PCDHA3: variants seen among roughly 807,000 people sequenced by gnomAD.
PCDHA3 encodes protocadherin alpha 3, also known as protocadherin alpha-3.
In PCDHA3, 41 loss-of-function variants were observed where a neutral mutation model predicts 62.2. That is an observed-to-expected ratio of 0.66 (90% CI 0.51 to 0.86). The LOEUF (loss-of-function observed/expected upper bound fraction) is 0.86, where lower values mean the gene tolerates loss of function less well. Among genes scored for constraint, PCDHA3 ranks in the 40% least tolerant of loss-of-function variants. The probability of loss-of-function intolerance (pLI) is 0.00; values close to 1 mark genes in which losing one functional copy is unlikely to be tolerated. For synonymous variants in PCDHA3, 640 were observed against 555.4 expected, an observed-to-expected ratio of 1.15 and a Z score of -2.14; for missense variants, 1,304 against 1,241.2, an observed-to-expected ratio of 1.05 and a Z score of -0.76.
intron 1 of PCDHA3, chr5:140,860,649 AG>A (rs2046495256): frequency 1.3e-5 from 2 of 152,282 alleles, no homozygotes; most frequent in Non-Finnish European, 2.9e-5. Context: ...GAAGAAGATA[AG>A]TGAAATAATA....
chr5:140,979,573 G>T lies in PCDHA3; in HGVS notation c.2453+566G>T, dbSNP rs558232107. Among the ~76,000 whole-genome samples, 224 of 152,236 alleles carry T rather than the reference G, an allele frequency of 1.5e-3. 1 individual carries two copies. Among genetic ancestry groups the T allele is most frequent in the African/African-American group, 5.2e-3 (215 of 41,538 alleles). On this transcript the variant is annotated intron_variant, in intron 2 of 3. Transcript: ENST00000522353. ...CTTCAGAAGATGAGCCATGTAAAGG[G>T]CTCCAAATCTAGCTTACTTTAAATT...
At chr5:140,819,722 A>G (rs1375762475) in intron 1 of PCDHA3, among the ~76,000 whole-genome samples, 1 of 152,122 alleles carries the variant, frequency 6.6e-6, no homozygotes, top group Non-Finnish European at 1.5e-5. Flanking sequence ...ATAATTTAAC[A>G]GATATGAAAG....
At chr5:140,963,705 C>T (rs1351751729) in intron 1 of PCDHA3, among the ~76,000 whole-genome samples, 1 of 152,130 alleles carries the variant, frequency 6.6e-6, no homozygotes, top group Non-Finnish European at 1.5e-5. Flanking sequence ...ATCTAAAGGG[C>T]CATGCTACAT....
At chr5:140,808,815 C>T (rs782363831) in intron 1 of PCDHA3, 4 of 1,612,732 alleles carry the variant, frequency 2.5e-6, no homozygotes, top group Non-Finnish European at 3.4e-6. Context: ...GCCGGCGTGC[C>T]ACCTCTGGGC....
intron 1 of PCDHA3, 99 bp from the exon 2 acceptor site, chr5:140,978,850 G>T: frequency 6.3e-7 from 1 of 1,577,084 alleles, no homozygotes; most frequent in Non-Finnish European, 8.6e-7. Flanking sequence ...TTTTTTAGAT[G>T]CCTGGAAATA....
rs2150165886 is a variant in PCDHA3 at position 140,829,324 on chromosome 5, T to C, written c.2394+25733T>C. 2.5e-4 allele frequency: 408 copies of C among 1,614,140 alleles called. 1 individual carries two copies. Among genetic ancestry groups the C allele is most frequent in the African/African-American group, 5.3e-4 (40 of 75,068 alleles). ...ATTACTACTCGTTGGTGCTGGACAG[T>C]GCCCTGGACCGCGAGAGCGTGTCGG... On this transcript the variant is annotated intron_variant, in intron 1 of 3. Transcript: ENST00000522353.
chr5:140,870,443 T>G (rs1207012137), intron 1 of PCDHA3: 1 of 1,614,094 alleles, frequency 6.2e-7, no homozygotes, highest in Non-Finnish European at 8.5e-7. Flanking sequence ...GTGGCCGACG[T>G]GAACGACAAT....
chr5:140,850,443 C>G, intron 1 of PCDHA3: 1 of 1,597,988 alleles, frequency 6.3e-7, no homozygotes, highest in East Asian at 2.2e-5. Flanking sequence ...CCTACTGGTG[C>G]TGGTGAAAGA....
At chr5:140,850,964 C>G (rs1554145138) in intron 1 of PCDHA3, 1 of 1,468,876 alleles carries the variant, frequency 6.8e-7, no homozygotes, top group African/African-American at 1.4e-5. Flanking sequence ...TCCCAGGGGC[C>G]GTTCAAATAG....
At chr5:140,841,961 G>A (rs1221561116) in intron 1 of PCDHA3, 1 of 1,613,790 alleles carries the variant, frequency 6.2e-7, no homozygotes, top group Non-Finnish European at 8.5e-7. Flanking sequence ...ATTCCTGACA[G>A]CCACAGATGG....
At chr5:140,815,798 C>T (rs1286964412) in intron 1 of PCDHA3, 3 of 152,150 alleles carry the variant, frequency 2.0e-5, no homozygotes, top group Non-Finnish European at 4.4e-5. Flanking sequence ...TTTTGTTTAA[C>T]TGGGAAGGTC....
chr5:140,927,045 C>G, intron 1 of PCDHA3: 1 of 1,612,254 alleles, frequency 6.2e-7, no homozygotes, highest in Non-Finnish European at 8.5e-7. Context: ...CCGCTATGTC[C>G]TCGCGGAACT....
intron 1 of PCDHA3, chr5:140,875,968 T>C (rs1554168125): frequency 2.5e-6 from 4 of 1,614,024 alleles, no homozygotes; most frequent in Non-Finnish European, 3.4e-6. Flanking sequence ...CGGCGTAAAC[T>C]CTCTTTTGAC....
intron 1 of PCDHA3, among the ~76,000 whole-genome samples, chr5:140,893,927 T>C (rs1251170255): frequency 1.3e-5 from 2 of 152,212 alleles, no homozygotes; most frequent in Non-Finnish European, 2.9e-5. Flanking sequence ...TTTCAGAATC[T>C]CTACCTGTTA....
At position 140,883,407 on chromosome 5, in the gene PCDHA3, G is replaced by C. The variant is rs2059598150; in HGVS notation, c.2394+79816G>C. On this transcript the variant is annotated intron_variant, in intron 1 of 3. Coordinates refer to ENST00000522353, the MANE Select transcript of PCDHA3 (RefSeq NM_018906.3). The stretch of plus-strand genomic sequence containing the variant: ...ATCAGTGTGTCCGATCGTGACTCTG[G>C]CTCAAATGGACAGGTCACCTGCACC... The C allele has an allele frequency of 1.9e-6, 3 of 1,614,170 alleles. No homozygotes were observed. In the East Asian group the frequency reaches 6.7e-5, roughly 36 times the overall value.
chr5:140,848,851 T>C lies in PCDHA3; in HGVS notation c.2394+45260T>C, dbSNP rs2150422604. ...GACAGGCCGCTGCAGGTTTTCCATG[T>C]GGACGTGGAGGTGAAGGACATTAAC... is the stretch of plus-strand genomic sequence containing the variant. On this transcript the variant is annotated intron_variant, in intron 1 of 3. Coordinates refer to ENST00000522353, the MANE Select transcript of PCDHA3 (RefSeq NM_018906.3). 2.7e-5 allele frequency: 43 copies of C among 1,590,598 alleles called. 4 individuals carry two copies. The Middle Eastern group carries it at 5.0e-4, about 19-fold the overall frequency.
rs782807362 is a variant in PCDHA3 at position 140,884,482 on chromosome 5, T to G, written c.2394+80891T>G. ...GCGCGTGCGCGCCGGGCAAGCCCACTCTAGTGTGCTCCAGCGCGGCAGGGA... is the reference window on the plus strand; with the variant it reads ...GCGCGTGCGCGCCGGGCAAGCCCACGCTAGTGTGCTCCAGCGCGGCAGGGA... On this transcript the variant is annotated intron_variant, in intron 1 of 3. Transcript: ENST00000522353. 1.6e-5 allele frequency: 26 copies of G among 1,613,830 alleles called. No homozygotes were observed. In the East Asian group the frequency reaches 4.5e-4, roughly 28 times the overall value.
intron 1 of PCDHA3, among the ~76,000 whole-genome samples, chr5:140,892,256 A>AT (rs1283359328): frequency 6.6e-6 from 1 of 151,996 alleles, no homozygotes; most frequent in Non-Finnish European, 1.5e-5. Context: ...GTTATCTTTG[A>AT]TTTTGTGCTG....
intron 1 of PCDHA3, among the ~76,000 whole-genome samples, chr5:140,896,320 C>G (rs1583228292): frequency 6.6e-6 from 1 of 152,182 alleles, no homozygotes; most frequent in Non-Finnish European, 1.5e-5. Context: ...CTGCTTTCCA[C>G]AGTGGCTAAA....
Sources: gnomAD v4.1 joint callset for allele counts (sites outside exome capture counted in the v4.1 genomes callset) on GRCh38, gnomAD v4.1.1 for gene constraint, MANE v1.5 for transcripts, NCBI Gene and HGNC (gene_info 2026-07-23, HGNC 2026-07-21) for gene names.